The following LMBRD2 variants were observed in gnomAD, a reference collection of about 807,000 sequenced individuals.
LMBRD2 encodes LMBR1 domain containing 2, also known as G protein-coupled receptor-associated protein LMBRD2.
In LMBRD2, 55 loss-of-function variants were observed where a neutral mutation model predicts 94.4. That is an observed-to-expected ratio of 0.58 (90% CI 0.47 to 0.73). The LOEUF (loss-of-function observed/expected upper bound fraction) is 0.73, where lower values mean the gene tolerates loss of function less well. Ranked by LOEUF, LMBRD2 falls within the 30% of genes least tolerant of loss-of-function variation. The pLI is 0.00. For synonymous variants in LMBRD2, 246 were observed against 272.4 expected, an observed-to-expected ratio of 0.90 and a Z score of 0.95; for missense variants, 640 against 831.9, an observed-to-expected ratio of 0.77 and a Z score of 2.84.
chr5:36,128,177 T>C (rs556638424), intron 6 of LMBRD2, among the ~76,000 whole-genome samples: 15 of 152,310 alleles, frequency 9.8e-5, no homozygotes, highest in Non-Finnish European at 1.9e-4. Flanking sequence ...ATCTCCAAGT[T>C]TGCAAGAACC....
chr5:36,147,780 A>T (rs559285753), intron 1 of LMBRD2: 3 of 305,974 alleles, frequency 9.8e-6, no homozygotes, highest in South Asian at 7.3e-5. Flanking sequence ...AGTTTGAAGA[A>T]TTCCAAATGT....
chr5:36,116,603 A>C lies in LMBRD2; in HGVS notation c.1303-10T>G. The stretch of plus-strand genomic sequence containing the variant: ...AAAGGAAGCAGGCAATCTGGAAAAA[A>C]ACAAAAACAAAGCAGTTTGTTTAAA... On this transcript the variant is annotated splice_polypyrimidine_tract_variant and intron_variant, in intron 10 of 17. Transcript: ENST00000296603. 6.2e-7 allele frequency: 1 copy of C among 1,609,936 alleles called. No individual in the cohort carries two copies. The highest frequency in any genetic ancestry group is 8.5e-7 in the Non-Finnish European group (1 of 1,178,956).
In LMBRD2 at chr5:36,122,537, G is replaced by A. The variant is rs1231643730; in HGVS notation, c.937-74C>T. 3.2e-6 allele frequency: 4 copies of A among 1,256,724 alleles called. No individual in the cohort carries two copies. The East Asian group carries it at 7.1e-5, about 22-fold the overall frequency. The allele number at this position is 1,256,724 out of a possible 1,614,324, so 77.8% of individuals were successfully genotyped here. ...GGTTCAACTCTCCACTAGGGAGCATGTTTGGATTGTCATAACAATGGGAAA... is the reference window on the plus strand; with the variant it reads ...GGTTCAACTCTCCACTAGGGAGCATATTTGGATTGTCATAACAATGGGAAA... On this transcript the variant is annotated intron_variant, in intron 8 of 17. Coordinates refer to ENST00000296603, the MANE Select transcript of LMBRD2 (RefSeq NM_001007527.2).
chr5:36,105,685 C>A (rs1743450298), intron 16 of LMBRD2, among the ~76,000 whole-genome samples: 2 of 152,132 alleles, frequency 1.3e-5, no homozygotes, highest in South Asian at 4.1e-4. Flanking sequence ...TAGAAATTTT[C>A]TAGTAGCTAT....
chr5:36,129,545 C>T (rs2453384), intron 6 of LMBRD2, among the ~76,000 whole-genome samples: 6,690 of 151,746 alleles, frequency 0.044, 500 homozygotes, highest in African/African-American at 0.15. Context: ...GAGAAATAAA[C>T]GTTTCCAGAC....
chr5:36,121,004 T>C (rs1209938839), intron 9 of LMBRD2, among the ~76,000 whole-genome samples: 1 of 139,354 alleles, frequency 7.2e-6, no homozygotes, highest in Non-Finnish European at 1.6e-5. Flanking sequence ...TACTTCTTTA[T>C]TGATTTTATC....
chr5:36,133,681 A>G (rs1744206009), intron 6 of LMBRD2, among the ~76,000 whole-genome samples: 1 of 152,128 alleles, frequency 6.6e-6, no homozygotes, highest in African/African-American at 2.4e-5. Context: ...TTTTCAAAAC[A>G]TCCATTTTTA....
intron 6 of LMBRD2, among the ~76,000 whole-genome samples, chr5:36,136,042 T>G (rs1744261988): frequency 6.6e-6 from 1 of 152,212 alleles, no homozygotes; most frequent in Non-Finnish European, 1.5e-5. Context: ...AGGGTACTAT[T>G]AAAAGTTACC....
intron 13 of LMBRD2, among the ~76,000 whole-genome samples, chr5:36,113,371 A>C (rs535234239): frequency 1.3e-5 from 2 of 151,640 alleles, no homozygotes; most frequent in South Asian, 2.1e-4. Flanking sequence ...GGAATTGCTC[A>C]CTCGGGGATC....
intron 6 of LMBRD2, among the ~76,000 whole-genome samples, chr5:36,128,972 A>C (rs552898109): frequency 1.8e-4 from 27 of 152,226 alleles, no homozygotes; most frequent in Non-Finnish European, 3.4e-4. Context: ...AATGCATGAG[A>C]GTATCTTAAC....
At chr5:36,106,773 C>A (rs759520567) in intron 16 of LMBRD2, among the ~76,000 whole-genome samples, 17 of 152,010 alleles carry the variant, frequency 1.1e-4, no homozygotes, top group Non-Finnish European at 2.5e-4. Flanking sequence ...GCTTCACAGG[C>A]ATAAGCCACC....
rs978717242 is a variant in LMBRD2, at chr5:36,101,312, T to G, written c.*2734A>C. On this transcript the variant is annotated 3_prime_UTR_variant, in exon 18 of 18. Coordinates refer to ENST00000296603, the MANE Select transcript of LMBRD2 (RefSeq NM_001007527.2). ...CATTAAATTAATAGATTATTATTAT[T>G]TTCTACAATAGTTATTCTGAATTAC... 1 of 151,974 alleles carries G rather than the reference T, an allele frequency of 6.6e-6. No individual in the cohort carries two copies. The highest frequency in any genetic ancestry group is 2.1e-4 in the South Asian group (1 of 4,834). 9.4% of individuals were successfully genotyped at this position (151,974 alleles called of 1,614,324 possible).
intron 6 of LMBRD2, among the ~76,000 whole-genome samples, chr5:36,128,736 A>G (rs970183101): frequency 1.3e-5 from 2 of 152,000 alleles, no homozygotes; most frequent in African/African-American, 4.8e-5. Flanking sequence ...AAAAAATTAA[A>G]TAAAATAAAT....
intron 6 of LMBRD2, among the ~76,000 whole-genome samples, chr5:36,133,208 A>G (rs1744194299): frequency 6.6e-6 from 1 of 152,140 alleles, no homozygotes; most frequent in Non-Finnish European, 1.5e-5. Flanking sequence ...ACAACAGAGT[A>G]CTATTCAGCC....
chr5:36,122,460 T>A lies in LMBRD2; in HGVS notation c.940A>T (p.Ile314Phe). The change falls in exon 9 of 18, where the codon ATT (isoleucine) becomes TTT (phenylalanine). Residue 314 changes from isoleucine (I) to phenylalanine (F), a missense_variant. Physicochemically the swap from Ile to Phe is conservative, Grantham distance 21. This residue lies in a region of LMBRD2 where 457 missense variants were observed against 642.8 expected (regional missense o/e 0.71). Coordinates refer to ENST00000296603, the MANE Select transcript of LMBRD2 (RefSeq NM_001007527.2). ...KSLVKLHKQV[I>F]YSVQRHRRTQ... ...CGACGGTGTCTCTGAACTGAATAAA[T>A]CACCTAAAAAAGAGAATGGGGGTAG... 1.2e-6 allele frequency: 2 copies of A among 1,610,772 alleles called. No individual in the cohort carries two copies. Among genetic ancestry groups the A allele is most frequent in the Non-Finnish European group, 1.7e-6 (2 of 1,178,996 alleles).
chr5:36,109,913 CT>C (rs1743563706), intron 15 of LMBRD2, 31 bp downstream of exon 15: 1 of 1,479,546 alleles, frequency 6.8e-7, no homozygotes. Flanking sequence ...TCAAATTAAT[CT>C]TCAGATTACA....
chr5:36,141,213 A>C lies in LMBRD2; in HGVS notation c.273-11T>G. ...AAACAAGGATGCTGGCTGTTGAATA[A>C]AAAGTTAAAGCCAACTAATCATAAA... On this transcript the variant is annotated splice_polypyrimidine_tract_variant and intron_variant, in intron 3 of 17. Transcript: ENST00000296603. The C allele has an allele frequency of 6.5e-7, 1 of 1,544,280 alleles. No individual in the cohort carries two copies. The highest frequency in any genetic ancestry group is 1.4e-5 in the African/African-American group (1 of 72,900).
rs534828613 is a variant in LMBRD2, at chr5:36,122,672, C to T, written c.936+176G>A. Among the ~76,000 whole-genome samples, 41 of 152,176 alleles carry T rather than the reference C, an allele frequency of 2.7e-4. 1 individual carries two copies. The highest frequency in any genetic ancestry group is 8.7e-4 in the African/African-American group (36 of 41,528). On this transcript the variant is annotated intron_variant, in intron 8 of 17. Transcript: ENST00000296603. ...CAGTGAAGAATTCTCCCTCCCCAAA[C>T]GCCAATAATACCCCTGCTGGTATAC...
At position 36,104,036 on chromosome 5, in the gene LMBRD2, T is replaced by C. The variant is rs117592823; in HGVS notation, c.*10A>G. Reference sequence around the variant, plus strand: ...ACCTTGGTTAGTGGTCCCACAAACTTTTTCAGACTTTAAACATCATTAAAT... The same window carrying C: ...ACCTTGGTTAGTGGTCCCACAAACTCTTTCAGACTTTAAACATCATTAAAT... On this transcript the variant is annotated 3_prime_UTR_variant, in exon 18 of 18. Coordinates refer to ENST00000296603, the MANE Select transcript of LMBRD2 (RefSeq NM_001007527.2). 1.5e-3 allele frequency: 2,473 copies of C among 1,607,336 alleles called. 60 individuals carry two copies. In the Admixed American group the frequency reaches 0.029, roughly 19 times the overall value.
Sources: gnomAD v4.1 joint callset for allele counts (sites outside exome capture counted in the v4.1 genomes callset) on GRCh38, gnomAD v4.1.1 for gene constraint, gnomAD v4.1.1 regional missense constraint, MANE v1.5 for transcripts, NCBI Gene and HGNC (gene_info 2026-07-23, HGNC 2026-07-21) for gene names.